ITFG1: variants seen among roughly 807,000 people sequenced by gnomAD.
The protein encoded by ITFG1 is T-cell immunomodulatory protein.
In ITFG1, 34 loss-of-function variants were observed where a neutral mutation model predicts 81.8. The observed-to-expected ratio is 0.42, with a 90% CI of 0.32 to 0.55. The LOEUF (loss-of-function observed/expected upper bound fraction) is 0.55. Ranked by LOEUF, ITFG1 falls within the 20% of genes least tolerant of loss-of-function variation. The pLI, the probability that ITFG1 is intolerant of heterozygous loss-of-function variation, is 0.17. For missense variants in ITFG1, 672 were observed against 755.4 expected (o/e 0.89, Z 1.29); for synonymous variants, 285 against 270.6 (o/e 1.05, Z -0.52).
chr16:47,436,598 T>C (rs1969170010), intron 5 of ITFG1, among the ~76,000 whole-genome samples: 1 of 152,204 alleles, frequency 6.6e-6, no homozygotes, highest in Non-Finnish European at 1.5e-5. Context: ...TTCATTTTCA[T>C]AGATGTAAAT....
At chr16:47,212,430 T>C (rs1567424917) in intron 14 of ITFG1, among the ~76,000 whole-genome samples, 1 of 152,066 alleles carries the variant, frequency 6.6e-6, no homozygotes, top group Non-Finnish European at 1.5e-5. Context: ...TTGCCTGGGT[T>C]GGTCTCAAAC....
At chr16:47,452,630 T>C in intron 4 of ITFG1, 103 bp downstream of exon 4, 1 of 714,770 alleles carries the variant, frequency 1.4e-6, no homozygotes, top group Non-Finnish European at 2.4e-6. Context: ...GGCCTCTGAG[T>C]GAATTTAGTA....
At chr16:47,392,666 C>T (rs1372334160) in intron 6 of ITFG1, among the ~76,000 whole-genome samples, 1 of 152,104 alleles carries the variant, frequency 6.6e-6, no homozygotes, top group African/African-American at 2.4e-5. Context: ...TGTAATATCA[C>T]CATTTATAGT....
chr16:47,188,850 C>T (rs1008894105), intron 14 of ITFG1, among the ~76,000 whole-genome samples: 1 of 152,088 alleles, frequency 6.6e-6, no homozygotes, highest in Non-Finnish European at 1.5e-5. Context: ...CTGCAACCTC[C>T]ACTTCCTGGG....
rs149980587 is a variant in ITFG1, at chr16:47,157,323, G to GA, written c.1780-1546dup. ...AGACACTGGGGAAAGCCTGCATTGA[G>GA]AAAATGGTAGAAGGAGCCAGCCTGC... On this transcript the variant is annotated intron_variant, in intron 17 of 17. Transcript: ENST00000320640. Among the ~76,000 whole-genome samples the GA allele has an allele frequency of 3.9e-5, 6 of 152,236 alleles. No homozygotes were observed. The East Asian group carries it at 9.7e-4, about 24-fold the overall frequency.
intron 5 of ITFG1, among the ~76,000 whole-genome samples, chr16:47,434,419 C>T (rs1254258940): frequency 6.6e-6 from 1 of 150,430 alleles, no homozygotes; most frequent in Non-Finnish European, 1.5e-5. Flanking sequence ...CAAAAGATGA[C>T]ATTCCTGTGG....
chr16:47,315,668 A>C (rs1264726893), intron 8 of ITFG1, among the ~76,000 whole-genome samples: 1 of 152,066 alleles, frequency 6.6e-6, no homozygotes, highest in Non-Finnish European at 1.5e-5. Context: ...AAACAGCATA[A>C]TCATGCACTT....
intron 6 of ITFG1, among the ~76,000 whole-genome samples, chr16:47,403,294 T>TA (rs1968686198): frequency 6.6e-6 from 1 of 151,330 alleles, no homozygotes; most frequent in African/African-American, 2.4e-5. Context: ...AGCAACCAGA[T>TA]AAAGCCAGAA....
intron 6 of ITFG1, among the ~76,000 whole-genome samples, chr16:47,388,604 G>A (rs1468795935): frequency 1.3e-5 from 2 of 152,138 alleles, no homozygotes; most frequent in Non-Finnish European, 1.5e-5. Context: ...CTACATTCAG[G>A]AAAACTAATT....
At chr16:47,403,249 G>A (rs1177101359) in intron 6 of ITFG1, among the ~76,000 whole-genome samples, 2 of 134,906 alleles carry the variant, frequency 1.5e-5, no homozygotes, top group Non-Finnish European at 3.1e-5. Flanking sequence ...TTTTTTAACT[G>A]TAAGTAAGGA....
intron 14 of ITFG1, among the ~76,000 whole-genome samples, chr16:47,190,401 T>C (rs1181630789): frequency 3.9e-5 from 6 of 152,216 alleles, no homozygotes; most frequent in Non-Finnish European, 8.8e-5. Context: ...TACATACATG[T>C]TACTCAACTT....
chr16:47,460,300 AC>A (rs1425984459), intron 1 of ITFG1, among the ~76,000 whole-genome samples: 4 of 152,218 alleles, frequency 2.6e-5, no homozygotes, highest in Admixed American at 6.5e-5. Context: ...TTGGAAGGGT[AC>A]ATTCGCTTCA....
At chr16:47,325,580 G>A (rs1967524155) in intron 8 of ITFG1, among the ~76,000 whole-genome samples, 1 of 152,002 alleles carries the variant, frequency 6.6e-6, no homozygotes, top group Non-Finnish European at 1.5e-5. Flanking sequence ...CTGCTAGCAA[G>A]ACTAATAAAG....
chr16:47,454,867 T>A (rs1969432699), intron 2 of ITFG1, among the ~76,000 whole-genome samples: 2 of 152,322 alleles, frequency 1.3e-5, no homozygotes, highest in South Asian at 4.1e-4. Context: ...AGGCCTTTAA[T>A]TCATTTTATA....
In ITFG1 at chr16:47,296,563, G is replaced by A. The variant is rs141264090; in HGVS notation, c.1070+14677C>T. Among the ~76,000 whole-genome samples the A allele has an allele frequency of 2.2e-4, 33 of 152,198 alleles. No individual in the cohort carries two copies. In the East Asian group the frequency reaches 6.4e-3, roughly 29 times the overall value. On this transcript the variant is annotated intron_variant, in intron 10 of 17. Transcript: ENST00000320640. The stretch of plus-strand genomic sequence containing the variant: ...CGATTCTCCTGCCTCAGCCTCCTGA[G>A]TAGCTGGGATTACAGGTACACGCCA...
chr16:47,210,221 T>G (rs1965547156), intron 14 of ITFG1, among the ~76,000 whole-genome samples: 1 of 152,198 alleles, frequency 6.6e-6, no homozygotes, highest in African/African-American at 2.4e-5. Flanking sequence ...TGTTGTCACT[T>G]TATTTTTTTA....
At chr16:47,402,532 C>T (rs1321934515) in intron 6 of ITFG1, among the ~76,000 whole-genome samples, 1 of 152,188 alleles carries the variant, frequency 6.6e-6, no homozygotes, top group African/African-American at 2.4e-5. Context: ...TTGCTCCCCA[C>T]AGCATCCCGG....
chr16:47,229,232 C>A (rs1375803844), intron 13 of ITFG1, among the ~76,000 whole-genome samples: 1 of 152,020 alleles, frequency 6.6e-6, no homozygotes, highest in Non-Finnish European at 1.5e-5. Context: ...GTGCATCCAA[C>A]TCTATGTCAA....
chr16:47,345,758 T>A (rs1273015707), intron 8 of ITFG1, among the ~76,000 whole-genome samples: 5 of 152,102 alleles, frequency 3.3e-5, no homozygotes, highest in Non-Finnish European at 7.3e-5. Flanking sequence ...TATGTAAACA[T>A]AGAAAAGGTA....
Sources: allele counts gnomAD v4.1 joint callset (sites outside exome capture counted in the v4.1 genomes callset), GRCh38; gene constraint gnomAD v4.1.1; transcripts MANE v1.5; gene names NCBI Gene and HGNC (gene_info 2026-07-23, HGNC 2026-07-21).